Variants in JMJD1C observed in about 807,000 individuals in gnomAD.
The protein encoded by JMJD1C is jumonji domain containing 1C, also known as jumonji domain-containing protein 1C.
JMJD1C carries 31 observed loss-of-function variants against 245.3 expected under a neutral mutation model. The observed-to-expected ratio is 0.13, with a 90% CI of 0.09 to 0.17. The LOEUF (loss-of-function observed/expected upper bound fraction) is 0.17. JMJD1C is among the 10% of genes least tolerant of loss of function. The pLI is 1.00. For synonymous variants in JMJD1C, 1,057 were observed against 1,017.4 expected (o/e 1.04, Z -0.74); for missense variants, 2,691 against 3,000.2 (o/e 0.90, Z 2.41).
intron 2 of JMJD1C, among the ~76,000 whole-genome samples, chr10:63,307,023 T>G (rs1405233839): frequency 6.6e-6 from 1 of 152,204 alleles, no homozygotes; most frequent in Non-Finnish European, 1.5e-5. Context: ...CGTAAGTAAT[T>G]TAATTAAAAA....
chr10:63,306,372 G>T lies in JMJD1C; in HGVS notation c.334-41608C>A, dbSNP rs187842470. On this transcript the variant is annotated intron_variant, in intron 2 of 25. Transcript: ENST00000399262. ...CCCAAAGTACTGGAATTACAGGCGT[G>T]AGCCACCGTGCCCAGCCAACAAAGT... Among the ~76,000 whole-genome samples, 10 of 152,308 alleles carry T rather than the reference G, an allele frequency of 6.6e-5. No individual in the cohort carries two copies. The East Asian group carries it at 1.9e-3, about 29-fold the overall frequency.
rs965155119 is a variant in JMJD1C at position 63,465,974 on chromosome 10, T to C, written c.-312A>G. ...GCCGCCGCCACCGCGCCGCGGCCAG[T>C]ACTGCTCCGTCTCCCTCCCCGGGCA... On this transcript the variant is annotated 5_prime_UTR_variant, in exon 1 of 26. Transcript: ENST00000399262. 3 of 371,252 alleles carry C rather than the reference T, an allele frequency of 8.1e-6. No individual in the cohort carries two copies. The highest frequency in any genetic ancestry group is 1.5e-5 in the Non-Finnish European group (3 of 201,278). The allele number at this position is 371,252 out of a possible 1,614,324, so 23.0% of individuals were successfully genotyped here. A position where few individuals can be genotyped will look rare whatever the true frequency, so the allele number is the denominator to read the frequency against.
chr10:63,431,383 GCA>G (rs1311072386), intron 1 of JMJD1C, among the ~76,000 whole-genome samples: 1 of 152,114 alleles, frequency 6.6e-6, no homozygotes, highest in Non-Finnish European at 1.5e-5. Flanking sequence ...TTCAGAAGAG[GCA>G]CAGTTATGGA....
chr10:63,487,175 A>G (rs1245880041), intron 1 of JMJD1C, among the ~76,000 whole-genome samples: 1 of 152,240 alleles, frequency 6.6e-6, no homozygotes, highest in African/African-American at 2.4e-5. Context: ...TAGCCCCATG[A>G]AAAATGGGAG....
rs267602546 is a variant in JMJD1C, at chr10:63,214,119, C to T, written c.2048G>A (p.Arg683Lys). 1 of 1,614,188 alleles carries T rather than the reference C, an allele frequency of 6.2e-7. No homozygotes were observed. The highest frequency in any genetic ancestry group is 8.5e-7 in the Non-Finnish European group (1 of 1,180,020). Residue 683 changes from arginine (R) to lysine (K), a missense_variant, in exon 8 of 26, where the codon AGA (arginine) becomes AAA (lysine). Around this residue, in one of 9 missense-constraint regions of JMJD1C, gnomAD observed 1,562 missense variants for 1,490.7 expected, o/e 1.05. Coordinates refer to ENST00000399262, the MANE Select transcript of JMJD1C (RefSeq NM_032776.3). ...AGTAGGAATTGGATGAAAACTGCAT[C>T]TTGATAGCTCATGTTCTATCTTATT... ...LANKIEHELS[R>K]CSFHPIPTRS... is the part of the protein sequence containing the mutation.
Position 63,184,601 on chromosome 10 carries a change from T to C in JMJD1C, c.6961+7A>G. 1.3e-6 allele frequency: 2 copies of C among 1,586,410 alleles called. No individual in the cohort carries two copies. The highest frequency in any genetic ancestry group is 8.5e-7 in the Non-Finnish European group (1 of 1,172,596). On this transcript the variant is annotated splice_region_variant and intron_variant, in intron 21 of 25. Transcript: ENST00000399262. Reference sequence around the variant, plus strand: ...CCTACATGGGAGAAATGTGAATATATACCTACCATAGGCACTGCACAACCT... The same window carrying C: ...CCTACATGGGAGAAATGTGAATATACACCTACCATAGGCACTGCACAACCT...
chr10:63,234,995 A>G (rs529817240), intron 3 of JMJD1C, among the ~76,000 whole-genome samples: 2 of 152,312 alleles, frequency 1.3e-5, no homozygotes, highest in African/African-American at 4.8e-5. Context: ...ATACAGAAAC[A>G]TATCACATAG....
intron 1 of JMJD1C, among the ~76,000 whole-genome samples, chr10:63,512,734 C>T (rs1440406885): frequency 1.3e-5 from 2 of 152,072 alleles, no homozygotes; most frequent in Non-Finnish European, 2.9e-5. Context: ...TGATATCTGA[C>T]ACTCATTTGG....
chr10:63,227,733 T>G (rs1254397095), intron 3 of JMJD1C, among the ~76,000 whole-genome samples: 1 of 152,196 alleles, frequency 6.6e-6, no homozygotes, highest in Non-Finnish European at 1.5e-5. Context: ...TAAAAGCAAT[T>G]ATTTTGTATC....
intron 10 of JMJD1C, chr10:63,202,163 A>G (rs1232964497): frequency 3.2e-6 from 1 of 311,504 alleles, no homozygotes; most frequent in East Asian, 1.7e-4. Context: ...CTGAGGCACA[A>G]GAACTGCTTG....
chr10:63,234,224 A>C (rs7907747), intron 3 of JMJD1C, among the ~76,000 whole-genome samples: 23,409 of 147,346 alleles, frequency 0.16, 4,074 homozygotes, highest in African/African-American at 0.43. Context: ...GAGTCTCTTG[A>C]AAACAAACAA....
chr10:63,514,309 A>C (rs1357202003), intron 1 of JMJD1C, among the ~76,000 whole-genome samples: 1 of 152,232 alleles, frequency 6.6e-6, no homozygotes, highest in African/African-American at 2.4e-5. Context: ...CCATTGTACC[A>C]AAAAGACACA....
intron 2 of JMJD1C, among the ~76,000 whole-genome samples, chr10:63,365,433 G>C (rs896517872): frequency 6.6e-6 from 1 of 152,142 alleles, no homozygotes; most frequent in Non-Finnish European, 1.5e-5. Context: ...AAACTAGGTT[G>C]ATCAAAAAAT....
At chr10:63,232,772 T>C (rs1850177354) in intron 3 of JMJD1C, among the ~76,000 whole-genome samples, 1 of 152,236 alleles carries the variant, frequency 6.6e-6, no homozygotes, top group South Asian at 2.1e-4. Flanking sequence ...TAACATTTTA[T>C]GTACAAAGTT....
intron 2 of JMJD1C, among the ~76,000 whole-genome samples, chr10:63,310,403 C>T (rs7085869): frequency 0.86 from 130,772 of 152,196 alleles, 56,874 homozygotes; most frequent in African/African-American, 0.96. Flanking sequence ...ATATTTAAGA[C>T]ATTGTTCTAT....
At chr10:63,374,476 C>CA (rs150570413) in intron 2 of JMJD1C, among the ~76,000 whole-genome samples, 1 of 152,164 alleles carries the variant, frequency 6.6e-6, no homozygotes, top group African/African-American at 2.4e-5. Context: ...AAAAACACCC[C>CA]AACACTGACT....
intron 3 of JMJD1C, among the ~76,000 whole-genome samples, chr10:63,237,891 C>T (rs1364601543): frequency 6.6e-6 from 1 of 151,106 alleles, no homozygotes; most frequent in African/African-American, 2.4e-5. Flanking sequence ...AAAAAGGCGG[C>T]CAGGCACAGT....
At chr10:63,220,020 C>T (rs762285741) in intron 3 of JMJD1C, 37 bp from the exon 4 acceptor site, 6 of 1,457,364 alleles carry the variant, frequency 4.1e-6, no homozygotes, top group South Asian at 3.5e-5. Context: ...CCATGTTACG[C>T]TCTCCTACCA....
intron 1 of JMJD1C, among the ~76,000 whole-genome samples, chr10:63,474,306 G>A (rs901981775): frequency 1.4e-4 from 22 of 152,218 alleles, no homozygotes; most frequent in African/African-American, 4.6e-4. Flanking sequence ...CTCCTCAATC[G>A]CTAAAATGAG....
Sources: allele counts gnomAD v4.1 joint callset (sites outside exome capture counted in the v4.1 genomes callset), GRCh38; gene constraint gnomAD v4.1.1; regional missense constraint gnomAD v4.1.1; transcripts MANE v1.5; gene names NCBI Gene and HGNC (gene_info 2026-07-23, HGNC 2026-07-21).